HDAC5: variants seen among roughly 807,000 people sequenced by gnomAD.
HDAC5 encodes the protein antigen NY-CO-9.
Under a neutral mutation model 133.3 loss-of-function variants are expected in HDAC5, and 25 were observed. That is an observed-to-expected ratio of 0.19 (90% CI 0.14 to 0.26). HDAC5 has a LOEUF of 0.26. Ranked by LOEUF, HDAC5 falls within the 10% of genes least tolerant of loss-of-function variation. The probability of loss-of-function intolerance (pLI) is 1.00; values close to 1 mark genes in which losing one functional copy is unlikely to be tolerated. For missense variants in HDAC5, 1,041 were observed against 1,460.5 expected (o/e 0.71, Z 4.68); for synonymous variants, 589 against 610.8 (o/e 0.96, Z 0.53).
intron 3 of HDAC5, among the ~76,000 whole-genome samples, chr17:44,106,264 C>T (rs1473909964): frequency 6.6e-6 from 1 of 152,174 alleles, no homozygotes; most frequent in African/African-American, 2.4e-5. Flanking sequence ...CTGAGCCCCT[C>T]CTCTCCTTGG....
chr17:44,087,432 G>T lies in HDAC5; in HGVS notation c.1864C>A (p.Pro622Thr). ...CTCACTTTTTTGTATCCAGCACCAG[G>T]CTCCTCCAAGTCGGGCCCCTCCTCA... ...GAEEGPDLEE[P>T]GAGYKKLFSD... The change falls in exon 13 of 27, where the codon CCT (proline) becomes ACT (threonine). Residue 622 changes from proline to threonine, a missense_variant. By Grantham distance (38) the Pro-to-Thr change is conservative. This residue lies in a region of HDAC5 where 433 missense variants were observed against 531.6 expected (regional missense o/e 0.81). Transcript: ENST00000682912. 1 of 1,128,612 alleles carries T rather than the reference G, an allele frequency of 8.9e-7. No individual in the cohort carries two copies. The highest frequency in any genetic ancestry group is 1.4e-6 in the Non-Finnish European group (1 of 737,576). 69.9% of individuals were successfully genotyped at this position (1,128,612 alleles called of 1,614,324 possible). A position where few individuals can be genotyped will look rare whatever the true frequency, so the allele number is the denominator to read the frequency against.
At chr17:44,089,382 G>A (rs2050819588) in intron 11 of HDAC5, among the ~76,000 whole-genome samples, 1 of 152,062 alleles carries the variant, frequency 6.6e-6, no homozygotes, top group Admixed American at 6.5e-5. Context: ...GCCAAGGCAG[G>A]TGGATCACTT....
rs2050206406 is a variant in HDAC5 at position 44,078,306 on chromosome 17, CTTTTTG to C, written c.*64_*69del. ...ACGGCACACCTTGTTGAATGTGTGA[CTTTTTG>C]TTTTTAATAGAAAAAATAAACAAAA... On this transcript the variant is annotated 3_prime_UTR_variant, in exon 27 of 27. Coordinates refer to ENST00000682912, the MANE Select transcript of HDAC5 (RefSeq NM_005474.5). 8 of 1,459,010 alleles carry C rather than the reference CTTTTTG, an allele frequency of 5.5e-6. No homozygotes were observed. In the Admixed American group the frequency reaches 2.0e-4, roughly 36 times the overall value. 90.4% of individuals were successfully genotyped at this position (1,459,010 alleles called of 1,614,324 possible). A position where few individuals can be genotyped will look rare whatever the true frequency, so the allele number is the denominator to read the frequency against.
At chr17:44,096,775 CT>C (rs1001009499) in intron 3 of HDAC5, among the ~76,000 whole-genome samples, 2 of 148,870 alleles carry the variant, frequency 1.3e-5, no homozygotes, top group East Asian at 2.0e-4. Context: ...TGCCCCTGGC[CT>C]TTTTTTTAGA....
At chr17:44,089,483 G>A (rs557738377) in intron 11 of HDAC5, among the ~76,000 whole-genome samples, 13 of 152,082 alleles carry the variant, frequency 8.5e-5, no homozygotes, top group African/African-American at 2.4e-4. Flanking sequence ...AGTGGCTCAC[G>A]CCTGTAATTC....
chr17:44,082,497 G>T, intron 20 of HDAC5, 88 bp downstream of exon 20: 1 of 1,045,122 alleles, frequency 9.6e-7, no homozygotes, highest in Non-Finnish European at 1.5e-6. Flanking sequence ...GGTGCTTGAA[G>T]GTGGGGCTGG....
chr17:44,121,744 G>A (rs2053018687), intron 1 of HDAC5, among the ~76,000 whole-genome samples: 1 of 152,046 alleles, frequency 6.6e-6, no homozygotes, highest in African/African-American at 2.4e-5. Flanking sequence ...GGTGGGTGGG[G>A]CATGTGAAAC....
chr17:44,110,849 C>A, intron 2 of HDAC5, 49 bp from the exon 3 acceptor site: 1 of 1,490,796 alleles, frequency 6.7e-7, no homozygotes, highest in Non-Finnish European at 9.3e-7. Context: ...AGCATCTCCA[C>A]GAGCCCCTGA....
intron 3 of HDAC5, among the ~76,000 whole-genome samples, chr17:44,108,563 G>A (rs2052116239): frequency 6.6e-6 from 1 of 151,824 alleles, no homozygotes; most frequent in South Asian, 2.1e-4. Flanking sequence ...AGCTTCCCTG[G>A]ACACCTGCTT....
rs1200226819 is a variant in HDAC5 at position 44,087,555 on chromosome 17, T to A, written c.1741A>T (p.Ser581Cys). Residue 581 changes from serine (S) to cysteine (C), a missense_variant, in exon 13 of 27, where the codon AGC becomes TGC. By Grantham distance (112) the Ser-to-Cys change is moderately radical. Transcript: ENST00000682912. ...TCCTCCTCCAGGTCTTCCTGTGTGC[T>A]CTCACTCTCTGTGGAGCCCTCCCGG... is the stretch of plus-strand genomic sequence containing the variant. ...MPREGSTESE[S>C]TQEDLEEEDE... The A allele has an allele frequency of 5.6e-6, 9 of 1,614,058 alleles. No homozygotes were observed. The highest frequency in any genetic ancestry group is 7.6e-6 in the Non-Finnish European group (9 of 1,179,976).
intron 3 of HDAC5, among the ~76,000 whole-genome samples, chr17:44,101,448 C>A (rs1223938549): frequency 6.7e-6 from 1 of 149,524 alleles, no homozygotes; most frequent in Non-Finnish European, 1.5e-5. Flanking sequence ...GCTCCAGGAG[C>A]CACCAGCCCC....
chr17:44,099,221 T>C (rs919778814), intron 3 of HDAC5, among the ~76,000 whole-genome samples: 2 of 152,114 alleles, frequency 1.3e-5, no homozygotes, highest in Non-Finnish European at 2.9e-5. Flanking sequence ...CTGATGGGAA[T>C]CGAGAGGCCA....
At chr17:44,119,156 G>A (rs1437567558) in intron 1 of HDAC5, among the ~76,000 whole-genome samples, 2 of 152,206 alleles carry the variant, frequency 1.3e-5, no homozygotes, top group East Asian at 1.9e-4. Flanking sequence ...AAAAGGCTGC[G>A]CAGGCAGGGC....
chr17:44,097,557 C>T (rs1052053697), intron 3 of HDAC5, among the ~76,000 whole-genome samples: 5 of 152,262 alleles, frequency 3.3e-5, no homozygotes, highest in African/African-American at 1.2e-4. Context: ...GCAGCCAGCT[C>T]AGGTCTCCCC....
rs370333498 is a variant in HDAC5, at chr17:44,117,442, A to G, written c.22+52T>C. On this transcript the variant is annotated intron_variant, in intron 2 of 26. Transcript: ENST00000682912. The surrounding 1 kb of genome is among the most constrained non-coding windows in gnomAD (Gnocchi z 4.2). Reference sequence around the variant, plus strand: ...CCTGGAAGGGAAACCCACACAGCCCATTGCATCCGAAGCTACCCCAGGGTG... The same window carrying G: ...CCTGGAAGGGAAACCCACACAGCCCGTTGCATCCGAAGCTACCCCAGGGTG... 6.2e-6 allele frequency: 10 copies of G among 1,603,882 alleles called. No individual in the cohort carries two copies. In the African/African-American group the frequency reaches 9.4e-5, roughly 15 times the overall value.
intron 3 of HDAC5, among the ~76,000 whole-genome samples, chr17:44,100,945 C>T (rs2051566468): frequency 6.7e-6 from 1 of 148,770 alleles, no homozygotes; most frequent in African/African-American, 2.4e-5. Flanking sequence ...TGTGCCACCA[C>T]ACCCACCTAA....
chr17:44,095,259 G>A (rs756748283), intron 3 of HDAC5, among the ~76,000 whole-genome samples: 6 of 152,180 alleles, frequency 3.9e-5, no homozygotes, highest in Non-Finnish European at 1.5e-5. Flanking sequence ...ACAGCTAGGT[G>A]ATCCAATAAC....
chr17:44,088,747 C>T, intron 11 of HDAC5, 149 bp from the exon 12 acceptor site: 2 of 1,148,544 alleles, frequency 1.7e-6, no homozygotes, highest in Non-Finnish European at 2.4e-6. Context: ...GCACCCCCCA[C>T]CCAAACCTGA....
chr17:44,083,724 G>A lies in HDAC5; in HGVS notation c.2356-72C>T. 2.5e-6 allele frequency: 4 copies of A among 1,579,406 alleles called. No individual in the cohort carries two copies. The South Asian group carries it at 3.3e-5, about 13-fold the overall frequency. On this transcript the variant is annotated intron_variant, in intron 17 of 26. Transcript: ENST00000682912. ...AACAGGGGAGGGCACCTGGACAGTG[G>A]GCCAGCGGCTGTGGTAGGCAGGGAA...
Sources: allele counts gnomAD v4.1 joint callset (sites outside exome capture counted in the v4.1 genomes callset), GRCh38; gene constraint gnomAD v4.1.1; regional missense constraint gnomAD v4.1.1; non-coding constraint Gnocchi (gnomAD v3.1); transcripts MANE v1.5; gene names NCBI Gene and HGNC (gene_info 2026-07-23, HGNC 2026-07-21).